The following ABCC9 variants were observed in gnomAD, a reference collection of about 807,000 sequenced individuals.
ABCC9 encodes the protein ATP binding cassette subfamily C member 9.
In ABCC9, 95 loss-of-function variants were observed where a neutral mutation model predicts 188.3. The observed-to-expected ratio is 0.50, with a 90% CI of 0.43 to 0.60. The LOEUF is 0.60. ABCC9 is among the 20% of genes least tolerant of loss of function. The pLI is 0.00. For synonymous variants in ABCC9, 659 were observed against 652.7 expected (o/e 1.01, Z -0.15); for missense variants, 1,102 against 1,876.3 (o/e 0.59, Z 7.62).
chr12:21,915,267 A>ATATGTGTGTATATATATAC (rs774503903), intron 7 of ABCC9, among the ~76,000 whole-genome samples: 1 of 89,150 alleles, frequency 1.1e-5, no homozygotes, highest in Non-Finnish European at 2.1e-5. Flanking sequence ...GTGTGTATAT[A>ATATGTGTGTATATATATAC]ATGTGTATAT....
At chr12:21,830,182 C>T (rs1032920192) in intron 30 of ABCC9, among the ~76,000 whole-genome samples, 15 of 152,152 alleles carry the variant, frequency 9.9e-5, no homozygotes, top group African/African-American at 3.6e-4. Flanking sequence ...AAGCCCTATC[C>T]ATTTAAACAT....
chr12:21,893,153 G>C (rs61921493), intron 14 of ABCC9, among the ~76,000 whole-genome samples: 74 of 150,058 alleles, frequency 4.9e-4, no homozygotes, highest in Non-Finnish European at 9.3e-4. Context: ...ATCTAGTTTG[G>C]TAACACATTT....
At chr12:21,922,209 CTTT>C (rs1948849756) in intron 5 of ABCC9, among the ~76,000 whole-genome samples, 2 of 151,922 alleles carry the variant, frequency 1.3e-5, no homozygotes, top group Non-Finnish European at 2.9e-5. Flanking sequence ...TATGGAATAT[CTTT>C]CCATTTATTT....
chr12:21,895,161 G>T, intron 13 of ABCC9, 114 bp downstream of exon 13: 2 of 891,708 alleles, frequency 2.2e-6, no homozygotes, highest in East Asian at 2.5e-5. Context: ...GACTGCCATA[G>T]AGAGAAGTCA....
intron 31 of ABCC9, among the ~76,000 whole-genome samples, chr12:21,826,757 A>ACCTTGAAC (rs1163124994): frequency 6.6e-6 from 1 of 152,190 alleles, no homozygotes; most frequent in Non-Finnish European, 1.5e-5. Context: ...TACACAAAGG[A>ACCTTGAAC]CCTTGAACCT....
chr12:21,893,120 G>T (rs1384602257), intron 14 of ABCC9, among the ~76,000 whole-genome samples: 1 of 152,062 alleles, frequency 6.6e-6, no homozygotes, highest in East Asian at 1.9e-4. Flanking sequence ...AAGACATATA[G>T]ACTGTCGTAT....
rs74069784 is a variant in ABCC9 at position 21,854,014 on chromosome 12, A to G, written c.2506-1509T>C. On this transcript the variant is annotated intron_variant, in intron 22 of 39. Coordinates refer to ENST00000261200, the MANE Select transcript of ABCC9 (RefSeq NM_020297.4). The stretch of plus-strand genomic sequence containing the variant: ...TGCAAACAAACTTCTACTTTGTCTT[A>G]TGGGCCCAAGAAAGAAGGAGCTGGT... 1.6e-3 allele frequency among the ~76,000 whole-genome samples: 249 copies of G among 152,268 alleles called. 1 individual carries two copies. The highest frequency in any genetic ancestry group is 5.7e-3 in the African/African-American group (235 of 41,560).
At position 21,861,241 on chromosome 12, in the gene ABCC9, T is replaced by A. The variant is rs3928402; in HGVS notation, c.2340-186A>T. The stretch of plus-strand genomic sequence containing the variant: ...TACTACTTCCCCCCCCTTTTTTTTT[T>A]TTTTTTGAAGACAGAGTCTTACTCT... On this transcript the variant is annotated intron_variant, in intron 20 of 39. Transcript: ENST00000261200. 0.39 allele frequency among the ~76,000 whole-genome samples: 58,302 copies of A among 150,658 alleles called. 12,093 individuals carry two copies. Among genetic ancestry groups the A allele is most frequent in the Middle Eastern group, 0.51 (148 of 292 alleles).
At chr12:21,871,959 C>A (rs969773843) in intron 18 of ABCC9, among the ~76,000 whole-genome samples, 1 of 152,176 alleles carries the variant, frequency 6.6e-6, no homozygotes, top group Non-Finnish European at 1.5e-5. Context: ...ATAATTTACT[C>A]TTTATTAACC....
chr12:21,828,860 G>T, intron 31 of ABCC9, 98 bp downstream of exon 31: 12 of 958,106 alleles, frequency 1.3e-5, no homozygotes, highest in Non-Finnish European at 2.0e-5. Flanking sequence ...AGCTAGTGCC[G>T]AATCTCAGTG....
At chr12:21,852,556 T>C in intron 22 of ABCC9, 51 bp from the exon 23 acceptor site, 1 of 1,593,480 alleles carries the variant, frequency 6.3e-7, no homozygotes. Flanking sequence ...ACTTGTTACA[T>C]AACTCAATTC....
At chr12:21,811,092 A>C (rs1465517448) in intron 36 of ABCC9, among the ~76,000 whole-genome samples, 2 of 152,162 alleles carry the variant, frequency 1.3e-5, no homozygotes, top group Non-Finnish European at 2.9e-5. Context: ...TGATTAGATC[A>C]CTGGGGCAGT....
In ABCC9 at chr12:21,872,787, C is replaced by T. The variant is rs1386447498; in HGVS notation, c.2093-57G>A. ...ATGAGATGGATTCTTGGTGAAATAA[C>T]ATCAAAACACATTTAGAAAAAGCTA... On this transcript the variant is annotated intron_variant, in intron 17 of 39. Transcript: ENST00000261200. The T allele has an allele frequency of 4.7e-6, 6 of 1,268,756 alleles. No individual in the cohort carries two copies. The Admixed American group carries it at 8.4e-5, about 18-fold the overall frequency. The allele number at this position is 1,268,756 out of a possible 1,614,324, so 78.6% of individuals were successfully genotyped here.
chr12:21,876,486 G>A (rs1469852930), intron 16 of ABCC9, among the ~76,000 whole-genome samples: 1 of 151,798 alleles, frequency 6.6e-6, no homozygotes, highest in African/African-American at 2.4e-5. Context: ...ATTCACTGAA[G>A]TTAAAAAAAA....
Position 21,801,066 on chromosome 12 carries a change from G to A in ABCC9, c.4628C>T (p.Ser1543Phe). The A allele has an allele frequency of 1.2e-6, 2 of 1,613,894 alleles. No individual in the cohort carries two copies. Among genetic ancestry groups the A allele is most frequent in the Middle Eastern group, 1.7e-4 (1 of 6,060 alleles). Residue 1543 changes from serine to phenylalanine, a missense_variant, in exon 40 of 40, where the codon TCT becomes TTT. This residue lies in a region of ABCC9 where 30 missense variants were observed against 34.3 expected (regional missense o/e 0.87). Transcript: ENST00000261200. ...CCTTCACATGTCTGCGCGAACAAAA[G>A]AAGCAAATACTCCATTTTCCTGAGC... Reference protein sequence around the residue: ...LLAQENGVFASFVRADM With the variant: ...LLAQENGVFAFFVRADM
intron 33 of ABCC9, 36 bp from the exon 34 acceptor site, chr12:21,815,929 G>T: frequency 6.3e-7 from 1 of 1,583,278 alleles, no homozygotes. Flanking sequence ...CAGATAATAG[G>T]CAGATAGAGA....
At position 21,845,602 on chromosome 12, in the gene ABCC9, C is replaced by A. The variant is rs2137394603; in HGVS notation, c.3096+1G>T. 1.2e-6 allele frequency: 2 copies of A among 1,612,556 alleles called. No individual in the cohort carries two copies. The highest frequency in any genetic ancestry group is 8.5e-7 in the Non-Finnish European group (1 of 1,178,880). ...TAAAAACAAAACCGAACCAATTGTACCTGATCAGCTTTTCCAGTATTGTTT... is the reference window on the plus strand; with the variant it reads ...TAAAAACAAAACCGAACCAATTGTAACTGATCAGCTTTTCCAGTATTGTTT... On this transcript the variant is annotated splice_donor_variant, in intron 26 of 39. Coordinates refer to ENST00000261200, the MANE Select transcript of ABCC9 (RefSeq NM_020297.4). LOFTEE classifies it high-confidence loss of function.
chr12:21,836,529 T>C (rs562324967), intron 30 of ABCC9, among the ~76,000 whole-genome samples: 1 of 152,216 alleles, frequency 6.6e-6, no homozygotes, highest in Non-Finnish European at 1.5e-5. Context: ...GATTTGTTAT[T>C]CAATAATTAT....
chr12:21,827,403 TTC>T, intron 31 of ABCC9: 2 of 757,206 alleles, frequency 2.6e-6, no homozygotes, highest in Non-Finnish European at 3.2e-6. Flanking sequence ...GATCTTCAAG[TTC>T]AGGAAAACCA....
Sources: gnomAD v4.1 joint callset for allele counts (sites outside exome capture counted in the v4.1 genomes callset) on GRCh38, gnomAD v4.1.1 for gene constraint, gnomAD v4.1.1 regional missense constraint, MANE v1.5 for transcripts, NCBI Gene and HGNC (gene_info 2026-07-23, HGNC 2026-07-21) for gene names.